Variants in CTNNAL1 observed in about 807,000 individuals in gnomAD.
The protein encoded by CTNNAL1 is alpha-catulin.
A neutral mutation model predicts 93.6 loss-of-function variants in CTNNAL1; 69 were observed. The observed-to-expected ratio is 0.74, with a 90% CI of 0.61 to 0.90. CTNNAL1 has a LOEUF of 0.90. Among genes scored for constraint, CTNNAL1 ranks in the 40% least tolerant of loss-of-function variants. The pLI, the probability that CTNNAL1 is intolerant of heterozygous loss-of-function variation, is 0.00. For synonymous variants in CTNNAL1, 286 were observed against 305.4 expected (o/e 0.94, Z 0.66); for missense variants, 836 against 862.0 (o/e 0.97, Z 0.38).
rs1831605136 is a variant in CTNNAL1, at chr9:108,986,318, A to G, written c.640-1882T>C. ...TTGCGATAGTTTACTGAGAATGATG[A>G]TTTCCAATTTCATCCATGTCCCTAC... is the stretch of plus-strand genomic sequence containing the variant. On this transcript the variant is annotated intron_variant, in intron 4 of 18. Transcript: ENST00000325551. Among the ~76,000 whole-genome samples the G allele has an allele frequency of 3.3e-5, 5 of 149,684 alleles. No homozygotes were observed. The South Asian group carries it at 1.1e-3, about 32-fold the overall frequency.
intron 7 of CTNNAL1, among the ~76,000 whole-genome samples, chr9:108,977,635 C>T (rs28361139): frequency 0.026 from 3,941 of 152,236 alleles, 80 homozygotes; most frequent in Non-Finnish European, 0.042. Flanking sequence ...CACTAGGCCA[C>T]GAAAGCTGGG....
chr9:108,950,843 C>T, intron 14 of CTNNAL1: 1 of 382,452 alleles, frequency 2.6e-6, no homozygotes, highest in Non-Finnish European at 4.6e-6. Flanking sequence ...TGAGGTAAGA[C>T]TTTGTAATTC....
chr9:108,984,229 C>T (rs1236526344), intron 5 of CTNNAL1, 118 bp downstream of exon 5: 8 of 631,328 alleles, frequency 1.3e-5, no homozygotes, highest in Non-Finnish European at 2.3e-5. Flanking sequence ...ACTATTCAGG[C>T]CTATGTTCTA....
At chr9:108,964,042 C>A (rs1350961589) in intron 11 of CTNNAL1, among the ~76,000 whole-genome samples, 1 of 152,160 alleles carries the variant, frequency 6.6e-6, no homozygotes. Flanking sequence ...TCCCAACAGT[C>A]CCTAAGGCTA....
Position 108,947,206 on chromosome 9 carries a change from C to T in CTNNAL1, c.1884+980G>A, listed in dbSNP as rs192823662. Among the ~76,000 whole-genome samples the T allele has an allele frequency of 2.6e-3, 392 of 151,724 alleles. 3 individuals are homozygous for T. The highest frequency in any genetic ancestry group is 8.7e-3 in the African/African-American group (358 of 41,336). ...TCAGCTCACTGCAAGCTCCGCCTCC[C>T]GGGTTCACGCCACTCTCCTGCCTCA... On this transcript the variant is annotated intron_variant, in intron 15 of 18. Coordinates refer to ENST00000325551, the MANE Select transcript of CTNNAL1 (RefSeq NM_003798.4).
At chr9:108,974,593 G>A (rs745803816) in intron 8 of CTNNAL1, among the ~76,000 whole-genome samples, 25 of 152,132 alleles carry the variant, frequency 1.6e-4, no homozygotes, top group Non-Finnish European at 3.1e-4. Flanking sequence ...CAGCCCTTTC[G>A]GAGGCCAAGG....
intron 2 of CTNNAL1, among the ~76,000 whole-genome samples, chr9:108,994,247 G>A (rs1484714669): frequency 1.3e-5 from 2 of 151,548 alleles, no homozygotes; most frequent in Non-Finnish European, 2.9e-5. Context: ...AAAAAAGAAA[G>A]ATCAGTCTAG....
rs1356867395 is a variant in CTNNAL1 at position 108,972,635 on chromosome 9, A to G, written c.1347+40T>C. ...CATTCCCACATAGTTTAATAAAGCC[A>G]TTATTAAACTACAATTTCTTTAGCA... On this transcript the variant is annotated intron_variant, in intron 9 of 18. Transcript: ENST00000325551. 3.3e-6 allele frequency: 5 copies of G among 1,512,970 alleles called. No homozygotes were observed. The African/African-American group carries it at 5.6e-5, about 17-fold the overall frequency. 93.7% of individuals were successfully genotyped at this position (1,512,970 alleles called of 1,614,324 possible). A position where few individuals can be genotyped will look rare whatever the true frequency, so the allele number is the denominator to read the frequency against.
intron 15 of CTNNAL1, among the ~76,000 whole-genome samples, chr9:108,944,716 C>T (rs541978939): frequency 3.0e-4 from 45 of 151,982 alleles, no homozygotes; most frequent in Non-Finnish European, 5.0e-4. Flanking sequence ...TTTTAGGTGG[C>T]GTCAGTAATA....
intron 12 of CTNNAL1, among the ~76,000 whole-genome samples, chr9:108,953,817 C>T (rs950898466): frequency 2.0e-5 from 3 of 147,924 alleles, no homozygotes; most frequent in Non-Finnish European, 4.6e-5. Context: ...CACACATGCA[C>T]ACACACAGAG....
chr9:108,944,974 T>G (rs1472011320), intron 15 of CTNNAL1, among the ~76,000 whole-genome samples: 1 of 152,228 alleles, frequency 6.6e-6, no homozygotes, highest in Non-Finnish European at 1.5e-5. Context: ...ATGAAATGAT[T>G]CACTTCCCCA....
At chr9:108,972,864 G>GGGGGGGGGGGGGGGGGGCCCCCCCCCCC in intron 8 of CTNNAL1, 31 bp from the exon 9 acceptor site, 3 of 142,568 alleles carry the variant, frequency 2.1e-5, no homozygotes, top group Non-Finnish European at 3.0e-5. Context: ...GGGGGGGTGG[G>GGGGGGGGGGGGGGGGGGCCCCCCCCCCC]AGGGTGGAGA....
At chr9:108,962,596 G>C (rs991118178) in intron 11 of CTNNAL1, among the ~76,000 whole-genome samples, 1 of 152,028 alleles carries the variant, frequency 6.6e-6, no homozygotes, top group Non-Finnish European at 1.5e-5. Flanking sequence ...TCTACGGTGG[G>C]GCCAGACTGG....
chr9:109,013,406 C>T lies in CTNNAL1; in HGVS notation c.37G>A (p.Ala13Thr). The part of the protein sequence containing the change: ...ASPGPAGVGG[A>T]GAVYGSGSSG... ...GAGCCGGAGCCGTAGACTGCTCCGGCGCCGCCAACGCCGGCGGGTCCGGGA... is the reference window on the plus strand; with the variant it reads ...GAGCCGGAGCCGTAGACTGCTCCGGTGCCGCCAACGCCGGCGGGTCCGGGA... The change falls in exon 1 of 19, where the codon GCC becomes ACC. Residue 13 changes from alanine to threonine, a missense_variant. By Grantham distance (58) the Ala-to-Thr change is moderately conservative (BLOSUM62 0). Transcript: ENST00000325551. 6.7e-7 allele frequency: 1 copy of T among 1,489,324 alleles called. No individual in the cohort carries two copies. The highest frequency in any genetic ancestry group is 8.9e-7 in the Non-Finnish European group (1 of 1,118,538). 92.3% of individuals were successfully genotyped at this position (1,489,324 alleles called of 1,614,324 possible).
At chr9:108,972,864 G>GGGGGGGCCCCT in intron 8 of CTNNAL1, 31 bp from the exon 9 acceptor site, 1 of 142,586 alleles carries the variant, frequency 7.0e-6, no homozygotes, top group Non-Finnish European at 1.0e-5. Flanking sequence ...GGGGGGGTGG[G>GGGGGGGCCCCT]AGGGTGGAGA....
At chr9:109,000,703 G>GA (rs748272087) in intron 1 of CTNNAL1, among the ~76,000 whole-genome samples, 425 of 122,214 alleles carry the variant, frequency 3.5e-3, no homozygotes, top group African/African-American at 6.7e-3. Context: ...AACAGTGGAG[G>GA]AAAAAAAAAA....
In CTNNAL1 at chr9:109,013,341, A is replaced by G. The variant is rs1203757296; in HGVS notation, c.102T>C (p.Thr34=). ...FALDSGLEIK[T]RSVEQTLLPL... ...GGAGTAGCGTCTGCTCCACCGAGCG[A>G]GTTTTGATCTCCAGTCCCGAGTCGA... is the stretch of plus-strand genomic sequence containing the variant. The change falls in exon 1 of 19, where the codon ACT becomes ACC. Residue 34 remains threonine (T), a synonymous_variant. Transcript: ENST00000325551. 2 of 1,515,528 alleles carry G rather than the reference A, an allele frequency of 1.3e-6. No homozygotes were observed. The highest frequency in any genetic ancestry group is 4.3e-5 in the Admixed American group (2 of 46,632). The allele number at this position is 1,515,528 out of a possible 1,614,324, so 93.9% of individuals were successfully genotyped here.
At chr9:108,953,509 A>G (rs975104294) in intron 12 of CTNNAL1, among the ~76,000 whole-genome samples, 7 of 142,768 alleles carry the variant, frequency 4.9e-5, no homozygotes, top group Non-Finnish European at 1.1e-4. Context: ...CACACACAGT[A>G]TAAATTACAA....
At position 108,952,333 on chromosome 9, in the gene CTNNAL1, T is replaced by C; in HGVS notation, c.1711A>G (p.Lys571Glu). ...GCGTCAGAGGTGAGCAAACCCAGCT[T>C]AAGTCCAAGCTTTGCTATCTTGGCT... ...EQAKIAKLGL[K>E]LGLLTSDADC... Residue 571 changes from lysine to glutamate, a missense_variant, in exon 14 of 19, where the codon AAG becomes GAG. By Grantham distance (56) the Lys-to-Glu change is moderately conservative. Transcript: ENST00000325551. The C allele has an allele frequency of 6.2e-7, 1 of 1,614,236 alleles. No homozygotes were observed.
Sources: gnomAD v4.1 joint callset for allele counts (sites outside exome capture counted in the v4.1 genomes callset) on GRCh38, gnomAD v4.1.1 for gene constraint, MANE v1.5 for transcripts, NCBI Gene and HGNC (gene_info 2026-07-23, HGNC 2026-07-21) for gene names.